TENM2: variants seen among roughly 807,000 people sequenced by gnomAD.
TENM2 encodes teneurin transmembrane protein 2.
TENM2 carries 52 observed loss-of-function variants against 245.2 expected under a neutral mutation model. The ratio of observed to expected loss-of-function variants is 0.21; its 90% CI spans 0.17 to 0.27. The LOEUF (loss-of-function observed/expected upper bound fraction) is 0.27. Ranked by LOEUF, TENM2 falls within the 10% of genes least tolerant of loss-of-function variation. The pLI is 1.00. For missense variants in TENM2, 3,046 were observed against 3,666.8 expected (o/e 0.83, Z 4.37); for synonymous variants, 1,363 against 1,438.9 (o/e 0.95, Z 1.19).
At chr5:168,004,515 GCGCACACACACACACACACA>G (rs1784666336) in intron 5 of TENM2, among the ~76,000 whole-genome samples, 1 of 73,632 alleles carries the variant, frequency 1.4e-5, no homozygotes, top group African/African-American at 6.0e-5. Flanking sequence ...ATGCGCGCGC[GCGCACACACACACACACACA>G]CACACACACA....
At chr5:167,609,519 C>T (rs2336896) in intron 2 of TENM2, among the ~76,000 whole-genome samples, 77,793 of 127,628 alleles carry the variant, frequency 0.61, 24,377 homozygotes, top group Middle Eastern at 0.68. Flanking sequence ...AAAACAAAAC[C>T]TTACCTAGAA....
At chr5:167,677,647 G>C (rs1756421491) in intron 2 of TENM2, among the ~76,000 whole-genome samples, 1 of 150,920 alleles carries the variant, frequency 6.6e-6, no homozygotes, top group Non-Finnish European at 1.5e-5. Context: ...TCTATAGGAA[G>C]TATCAAGTGG....
In TENM2 at chr5:167,969,320, A is replaced by G. The variant is rs535478251; in HGVS notation, c.947+16498A>G. Among the ~76,000 whole-genome samples, 7 of 151,536 alleles carry G rather than the reference A, an allele frequency of 4.6e-5. No individual in the cohort carries two copies. In the East Asian group the frequency reaches 9.8e-4, roughly 21 times the overall value. ...GTCTCATGAGATCTGATGGTTTTATAAGGGGGAGTTTCCCTACACAAGCAC... is the reference window on the plus strand; with the variant it reads ...GTCTCATGAGATCTGATGGTTTTATGAGGGGGAGTTTCCCTACACAAGCAC... On this transcript the variant is annotated intron_variant, in intron 4 of 28. Transcript: ENST00000518659.
At chr5:168,081,115 C>T (rs1277879961) in intron 7 of TENM2, among the ~76,000 whole-genome samples, 1 of 152,158 alleles carries the variant, frequency 6.6e-6, no homozygotes, top group African/African-American at 2.4e-5. Context: ...CTGGGTGCTC[C>T]TGTATTGGGT....
chr5:167,584,895 T>G (rs1318577177), intron 2 of TENM2, among the ~76,000 whole-genome samples: 1 of 152,032 alleles, frequency 6.6e-6, no homozygotes, highest in African/African-American at 2.4e-5. Context: ...GGGCTACACC[T>G]AAGCTTTTAA....
chr5:167,351,488 T>A (rs4869032), intron 1 of TENM2, among the ~76,000 whole-genome samples: 6 of 151,592 alleles, frequency 4.0e-5, no homozygotes, highest in Non-Finnish European at 7.4e-5. Context: ...ATGGGTTCAC[T>A]GAGCAATAGC....
chr5:168,057,329 A>ACACT (rs567834931), intron 6 of TENM2, among the ~76,000 whole-genome samples: 2,289 of 151,578 alleles, frequency 0.015, 26 homozygotes, highest in Middle Eastern at 0.041. Flanking sequence ...ACACACACAC[A>ACACT]CACTCACTCA....
At position 167,350,873 on chromosome 5, in the gene TENM2, GAT is replaced by G. The variant is rs1250151693; in HGVS notation, c.227-24314_227-24313del. On this transcript the variant is annotated intron_variant, in intron 1 of 28. Coordinates refer to ENST00000518659, the Ensembl canonical transcript of TENM2. ...TATATATATGGGATGTATACATATG[GAT>G]ATATATATATGGGATGTATACATAT... 2.6e-3 allele frequency among the ~76,000 whole-genome samples: 182 copies of G among 71,282 alleles called. 23 individuals carry two copies. Among genetic ancestry groups the G allele is most frequent in the East Asian group, 4.1e-3 (10 of 2,452 alleles). 46.8% of individuals were successfully genotyped at this position (71,282 alleles called of 152,430 possible).
chr5:168,208,897 T>C (rs1215015643), intron 19 of TENM2, among the ~76,000 whole-genome samples: 1 of 152,058 alleles, frequency 6.6e-6, no homozygotes, highest in Non-Finnish European at 1.5e-5. Flanking sequence ...ACCCAAAAAA[T>C]TGCAAAGTTT....
chr5:167,054,134 C>T, the TENM2 span, among the ~76,000 whole-genome samples: 1 of 152,164 alleles, frequency 6.6e-6, no homozygotes, highest in Non-Finnish European at 1.5e-5. Flanking sequence ...CATGTCTCCA[C>T]CACTGTAGTA....
the TENM2 span, among the ~76,000 whole-genome samples, chr5:167,000,429 A>G: frequency 6.6e-6 from 1 of 152,194 alleles, no homozygotes; most frequent in Non-Finnish European, 1.5e-5. Context: ...TTGGGAACGT[A>G]TTTGAAAGAA....
intron 2 of TENM2, among the ~76,000 whole-genome samples, chr5:167,552,270 G>A (rs745339232): frequency 7.2e-5 from 11 of 152,168 alleles, no homozygotes; most frequent in Admixed American, 1.3e-4. Context: ...ATACTCAGGT[G>A]CACGTTAGGC....
At chr5:167,655,411 T>C (rs560028028) in intron 2 of TENM2, among the ~76,000 whole-genome samples, 1 of 152,314 alleles carries the variant, frequency 6.6e-6, no homozygotes, top group East Asian at 1.9e-4. Context: ...TGGCCACCTC[T>C]TGACCAAGGA....
At chr5:167,253,254 C>T in the TENM2 span, among the ~76,000 whole-genome samples, 79 of 137,256 alleles carry the variant, frequency 5.8e-4, no homozygotes, top group African/African-American at 2.1e-3. Context: ...ACAGGCCTGG[C>T]TTTTTTTTTT....
At chr5:167,524,150 G>A (rs1193287115) in intron 2 of TENM2, among the ~76,000 whole-genome samples, 1 of 152,108 alleles carries the variant, frequency 6.6e-6, no homozygotes, top group East Asian at 1.9e-4. Context: ...AGAATGCCAA[G>A]TCCTTCAATT....
chr5:167,837,787 A>G (rs1357727027), intron 2 of TENM2, among the ~76,000 whole-genome samples: 2 of 148,148 alleles, frequency 1.3e-5, no homozygotes, highest in Non-Finnish European at 3.0e-5. Context: ...TTCCCATGCT[A>G]CCTGAAAAAG....
At chr5:167,032,799 G>A in the TENM2 span, among the ~76,000 whole-genome samples, 1 of 152,020 alleles carries the variant, frequency 6.6e-6, no homozygotes, top group Non-Finnish European at 1.5e-5. Context: ...TAGAAAATGT[G>A]GGGGTATTAC....
intron 27 of TENM2, among the ~76,000 whole-genome samples, chr5:168,248,702 C>A (rs187604208): frequency 2.6e-5 from 4 of 152,344 alleles, no homozygotes; most frequent in East Asian, 3.9e-4. Flanking sequence ...GGTTCAAATT[C>A]TCTCTCTTCT....
intron 2 of TENM2, among the ~76,000 whole-genome samples, chr5:167,664,010 A>G (rs545449260): frequency 6.6e-6 from 1 of 152,260 alleles, no homozygotes; most frequent in East Asian, 1.9e-4. Flanking sequence ...TCTGCTCAAT[A>G]CTGCTCATGA....
Sources: allele counts gnomAD v4.1 joint callset (sites outside exome capture counted in the v4.1 genomes callset), GRCh38; gene constraint gnomAD v4.1.1; transcripts MANE v1.5; gene names NCBI Gene and HGNC (gene_info 2026-07-23, HGNC 2026-07-21).